CNTNAP4: variants seen among roughly 807,000 people sequenced by gnomAD.
CNTNAP4 encodes contactin associated protein family member 4, also known as contactin-associated protein-like 4.
Under a neutral mutation model 148.4 loss-of-function variants are expected in CNTNAP4, and 98 were observed. That is an observed-to-expected ratio of 0.66 (90% CI 0.56 to 0.78). The LOEUF is 0.78. Ranked by LOEUF, CNTNAP4 falls within the 30% of genes least tolerant of loss-of-function variation. CNTNAP4 has a pLI of 0.00. For missense variants in CNTNAP4, 1,935 were observed against 1,565.6 expected, an observed-to-expected ratio of 1.24 and a Z score of -3.98; for synonymous variants, 730 against 565.1, an observed-to-expected ratio of 1.29 and a Z score of -4.14.
intron 21 of CNTNAP4, among the ~76,000 whole-genome samples, chr16:76,543,184 G>A (rs796912461): frequency 2.6e-5 from 4 of 151,656 alleles, no homozygotes; most frequent in African/African-American, 7.2e-5. Context: ...TCTCCTAAAA[G>A]TATAAGTGAT....
At position 76,348,837 on chromosome 16, in the gene CNTNAP4, C is replaced by G. The variant is rs374594289; in HGVS notation, c.197-6481C>G. On this transcript the variant is annotated intron_variant, in intron 2 of 23. Coordinates refer to ENST00000611870, the MANE Select transcript of CNTNAP4 (RefSeq NM_033401.5). ...GATGTGGACCTATATTATTTGAAGACTGTTAACATTAAAAGAAGCCAAAAA... is the reference window on the plus strand; with the variant it reads ...GATGTGGACCTATATTATTTGAAGAGTGTTAACATTAAAAGAAGCCAAAAA... Among the ~76,000 whole-genome samples the G allele has an allele frequency of 4.2e-3, 504 of 120,760 alleles. 4 individuals are homozygous for G. Among genetic ancestry groups the G allele is most frequent in the South Asian group, 0.023 (72 of 3,104 alleles). The allele number at this position is 120,760 out of a possible 152,430, so 79.2% of individuals were successfully genotyped here. A position where few individuals can be genotyped will look rare whatever the true frequency, so the allele number is the denominator to read the frequency against.
At chr16:76,546,337 A>C (rs2084732460) in intron 21 of CNTNAP4, among the ~76,000 whole-genome samples, 1 of 152,144 alleles carries the variant, frequency 6.6e-6, no homozygotes, top group African/African-American at 2.4e-5. Context: ...AAGCAAGCGA[A>C]GCTTCATCTG....
chr16:76,415,934 T>G (rs1488587880), intron 3 of CNTNAP4, among the ~76,000 whole-genome samples: 6 of 150,394 alleles, frequency 4.0e-5, no homozygotes, highest in South Asian at 2.1e-4. Flanking sequence ...CTGTTTGTTT[T>G]TTTTTTTTAA....
intron 1 of CNTNAP4, among the ~76,000 whole-genome samples, chr16:76,313,511 C>T (rs975158506): frequency 2.6e-5 from 4 of 152,110 alleles, no homozygotes. Flanking sequence ...TTTCCTTCAC[C>T]ACTCCATGGG....
At chr16:76,452,471 A>G (rs2080535565) in intron 7 of CNTNAP4, 37 bp from the exon 8 acceptor site, 6 of 1,607,336 alleles carry the variant, frequency 3.7e-6, no homozygotes, top group Non-Finnish European at 5.1e-6. Context: ...TGATGTGAAT[A>G]ACATTCTGAA....
intron 3 of CNTNAP4, among the ~76,000 whole-genome samples, chr16:76,423,038 C>T (rs1219693645): frequency 3.3e-5 from 5 of 152,172 alleles, no homozygotes; most frequent in South Asian, 2.1e-4. Context: ...GCTCATTCAC[C>T]GTTCCACGAT....
At chr16:76,547,908 G>T (rs1300135793) in intron 21 of CNTNAP4, among the ~76,000 whole-genome samples, 1 of 152,174 alleles carries the variant, frequency 6.6e-6, no homozygotes, top group African/African-American at 2.4e-5. Context: ...AGTAAAACCA[G>T]CTTCGAAGCC....
chr16:76,278,920 C>A (rs75538695), intron 1 of CNTNAP4, among the ~76,000 whole-genome samples: 5,200 of 152,310 alleles, frequency 0.034, 119 homozygotes, highest in Non-Finnish European at 0.051. Context: ...AGAATGGGCT[C>A]ATTTAATGTC....
chr16:76,439,417 G>A lies in CNTNAP4; in HGVS notation c.539-8595G>A, dbSNP rs139600208. On this transcript the variant is annotated intron_variant, in intron 4 of 23. Coordinates refer to ENST00000611870, the MANE Select transcript of CNTNAP4 (RefSeq NM_033401.5). Reference sequence around the variant, plus strand: ...CATTTGATCCCTCTAGCATCTTTGTGTAGTATGAGAGGCTGGAATTTTTCA... The same window carrying A: ...CATTTGATCCCTCTAGCATCTTTGTATAGTATGAGAGGCTGGAATTTTTCA... 3.6e-3 allele frequency among the ~76,000 whole-genome samples: 549 copies of A among 152,232 alleles called. 4 individuals carry two copies. Among genetic ancestry groups the A allele is most frequent in the African/African-American group, 0.013 (526 of 41,550 alleles).
intron 1 of CNTNAP4, among the ~76,000 whole-genome samples, chr16:76,309,025 T>C (rs1179319850): frequency 1.3e-5 from 2 of 151,820 alleles, no homozygotes; most frequent in East Asian, 2.0e-4. Flanking sequence ...AGGCTGATCT[T>C]GAACTCCTGG....
chr16:76,385,575 TGTAGAG>T (rs1238873771), intron 3 of CNTNAP4, among the ~76,000 whole-genome samples: 1 of 150,312 alleles, frequency 6.7e-6, no homozygotes, highest in South Asian at 2.1e-4. Flanking sequence ...TGTGTGTGTG[TGTAGAG>T]AGAGTGAGTT....
In CNTNAP4 at chr16:76,462,091, C is replaced by A. The variant is rs1219174577; in HGVS notation, c.1469C>A (p.Thr490Asn). 6.2e-7 allele frequency: 1 copy of A among 1,613,236 alleles called. No homozygotes were observed. The change falls in exon 9 of 24, where the codon ACC becomes AAC. Residue 490 changes from threonine (T) to asparagine (N), a missense_variant. Physicochemically the swap from Thr to Asn is moderately conservative, Grantham distance 65. Coordinates refer to ENST00000611870, the MANE Select transcript of CNTNAP4 (RefSeq NM_033401.5). Reference sequence around the variant, plus strand: ...CCTGAGCAGATTTATTCGGGTGGCACCTATTATTTTGGAGGTAAGAATAGG... The same window carrying A: ...CCTGAGCAGATTTATTCGGGTGGCAACTATTATTTTGGAGGTAAGAATAGG... ...LGPEQIYSGG[T>N]YYFGGCPDKS... is the part of the protein sequence containing the mutation.
chr16:76,531,809 G>A (rs1401210913), intron 17 of CNTNAP4, among the ~76,000 whole-genome samples: 2 of 152,082 alleles, frequency 1.3e-5, no homozygotes, highest in African/African-American at 4.8e-5. Flanking sequence ...ATGACACAAC[G>A]GTTTGTGTCT....
intron 3 of CNTNAP4, among the ~76,000 whole-genome samples, chr16:76,362,800 C>G (rs150901193): frequency 8.8e-4 from 134 of 152,290 alleles, no homozygotes; most frequent in African/African-American, 3.0e-3. Flanking sequence ...CTGTGAGGTA[C>G]TATGCTTATT....
chr16:76,322,921 G>A (rs1328385377), intron 2 of CNTNAP4, among the ~76,000 whole-genome samples: 1 of 151,308 alleles, frequency 6.6e-6, no homozygotes, highest in Non-Finnish European at 1.5e-5. Flanking sequence ...TGCAACCTCT[G>A]CCTTGTGGGT....
chr16:76,518,437 A>T (rs1164662186), intron 15 of CNTNAP4, among the ~76,000 whole-genome samples: 6 of 152,162 alleles, frequency 3.9e-5, no homozygotes. Flanking sequence ...CTAAAAAATT[A>T]TTCTAAAATC....
intron 10 of CNTNAP4, among the ~76,000 whole-genome samples, chr16:76,475,123 G>T (rs150516889): frequency 1.2e-3 from 180 of 152,090 alleles, no homozygotes; most frequent in African/African-American, 4.1e-3. Flanking sequence ...GTTGCAGTGA[G>T]CTGAGATTGT....
intron 3 of CNTNAP4, among the ~76,000 whole-genome samples, chr16:76,371,066 T>G (rs547318894): frequency 6.6e-6 from 1 of 152,172 alleles, no homozygotes; most frequent in Admixed American, 6.5e-5. Context: ...CGACACTGAG[T>G]AAGTAGAGTG....
At chr16:76,497,505 G>A (rs1374236349) in intron 14 of CNTNAP4, among the ~76,000 whole-genome samples, 1 of 151,938 alleles carries the variant, frequency 6.6e-6, no homozygotes, top group East Asian at 1.9e-4. Context: ...AAATCATATG[G>A]GGGGCAGCCA....
Sources: allele counts gnomAD v4.1 joint callset (sites outside exome capture counted in the v4.1 genomes callset), GRCh38; gene constraint gnomAD v4.1.1; transcripts MANE v1.5; gene names NCBI Gene and HGNC (gene_info 2026-07-23, HGNC 2026-07-21).